Variants in CENPK observed in about 807,000 individuals in gnomAD.
CENPK encodes SoxLZ/Sox6-binding protein Solt.
In CENPK, 46 loss-of-function variants were observed where a neutral mutation model predicts 40.9. That is an observed-to-expected ratio of 1.13 (90% CI 0.89 to 1.44). The LOEUF is 1.44. CENPK is among the 40% of genes most tolerant of loss of function. The probability of loss-of-function intolerance (pLI) is 0.00; values close to 1 mark genes in which losing one functional copy is unlikely to be tolerated. For missense variants in CENPK, 288 were observed against 303.5 expected, an observed-to-expected ratio of 0.95 and a Z score of 0.38; for synonymous variants, 107 against 104.4, an observed-to-expected ratio of 1.02 and a Z score of -0.15.
At chr5:65,549,799 G>A (rs1303680953) in intron 5 of CENPK, among the ~76,000 whole-genome samples, 1 of 152,198 alleles carries the variant, frequency 6.6e-6, no homozygotes, top group African/African-American at 2.4e-5. Context: ...ATGATGGCTG[G>A]TTTGATCATC....
chr5:65,531,021 G>A (rs1745694401), intron 6 of CENPK, among the ~76,000 whole-genome samples: 1 of 152,078 alleles, frequency 6.6e-6, no homozygotes, highest in African/African-American at 2.4e-5. Flanking sequence ...GCCAAGCCTG[G>A]TGACTCATTC....
At chr5:65,495,742 AAAG>A in the CENPK span, among the ~76,000 whole-genome samples, 402 of 152,338 alleles carry the variant, frequency 2.6e-3, 3 homozygotes, top group African/African-American at 8.8e-3. Context: ...AAAATTCACA[AAAG>A]AAGAAATACA....
chr5:65,559,973 C>T (rs1425718313), intron 2 of CENPK, among the ~76,000 whole-genome samples: 3 of 150,888 alleles, frequency 2.0e-5, no homozygotes, highest in South Asian at 2.1e-4. Flanking sequence ...ATAGTATTTG[C>T]GGAGAAAAAA....
intron 6 of CENPK, among the ~76,000 whole-genome samples, chr5:65,537,494 C>T (rs908028227): frequency 5.3e-5 from 8 of 151,990 alleles, no homozygotes; most frequent in African/African-American, 9.7e-5. Context: ...TTAGTAGAGA[C>T]GGGGTTTCGC....
chr5:65,551,908 G>A (rs572667775), intron 4 of CENPK, among the ~76,000 whole-genome samples: 2 of 150,682 alleles, frequency 1.3e-5, no homozygotes, highest in Non-Finnish European at 3.0e-5. Flanking sequence ...GACACAGATA[G>A]TAAAATATCT....
rs532263854 is a variant in CENPK at position 65,551,620 on chromosome 5, A to G, written c.185T>C (p.Met62Thr). The G allele has an allele frequency of 1.2e-4, 183 of 1,569,044 alleles. 4 individuals are homozygous for G. The South Asian group carries it at 2.0e-3, about 17-fold the overall frequency. ...DSNAQLSLLI[M>T]QVKCLTAELS... ...TTCAGCGGTTAAACATTTTACTTGC[A>G]TAATTAACAATGATAGCTACAAAAG... The change falls in exon 5 of 11, where the codon ATG (methionine) becomes ACG (threonine). Residue 62 changes from methionine to threonine, a missense_variant. Coordinates refer to ENST00000396679, the MANE Select transcript of CENPK (RefSeq NM_022145.5).
In CENPK at chr5:65,551,544, A is replaced by C. The variant is rs1196392180; in HGVS notation, c.241+20T>G. On this transcript the variant is annotated intron_variant, in intron 5 of 10. Transcript: ENST00000396679. ...ATTAATAGGTTTACAAAAAATTCAA[A>C]TTTAAAATAAGAATCTTACTTTCAG... 7.2e-7 allele frequency: 1 copy of C among 1,398,428 alleles called. No individual in the cohort carries two copies. The highest frequency in any genetic ancestry group is 1.5e-5 in the African/African-American group (1 of 68,342). The allele number at this position is 1,398,428 out of a possible 1,614,324, so 86.6% of individuals were successfully genotyped here.
chr5:65,560,868 G>A (rs1751841118), intron 2 of CENPK: 1 of 152,118 alleles, frequency 6.6e-6, no homozygotes, highest in South Asian at 2.1e-4. Context: ...AGATATGTCT[G>A]CATAAGTCTA....
chr5:65,551,601 G>T lies in CENPK; in HGVS notation c.204C>A (p.Thr68=). ...SLLIMQVKCL[T]AELSQWQKKT... ...TTTTCTGCCATTGACTGAGTTCAGC[G>T]GTTAAACATTTTACTTGCATAATTA... The change falls in exon 5 of 11, where the codon ACC becomes ACA. Residue 68 remains threonine, a synonymous_variant. Coordinates refer to ENST00000396679, the MANE Select transcript of CENPK (RefSeq NM_022145.5). The T allele has an allele frequency of 6.4e-7, 1 of 1,570,844 alleles. No homozygotes were observed. Among genetic ancestry groups the T allele is most frequent in the South Asian group, 1.2e-5 (1 of 84,120 alleles).
intron 6 of CENPK, among the ~76,000 whole-genome samples, chr5:65,539,018 T>C (rs915893429): frequency 6.6e-6 from 1 of 152,242 alleles, no homozygotes; most frequent in African/African-American, 2.4e-5. Context: ...TCTAGGCACA[T>C]ACTTACCTCT....
chr5:65,546,609 A>G (rs1481056896), intron 5 of CENPK, among the ~76,000 whole-genome samples: 2 of 152,214 alleles, frequency 1.3e-5, no homozygotes, highest in African/African-American at 4.8e-5. Context: ...TTTGAATATG[A>G]CTGTATTTGG....
At chr5:65,545,544 T>A (rs889635523) in intron 5 of CENPK, among the ~76,000 whole-genome samples, 4 of 151,762 alleles carry the variant, frequency 2.6e-5, no homozygotes, top group Admixed American at 1.3e-4. Flanking sequence ...ATCAAGAAAT[T>A]CTCAGATAAA....
the CENPK span, among the ~76,000 whole-genome samples, chr5:65,512,481 G>C: frequency 2.0e-5 from 3 of 152,318 alleles, no homozygotes; most frequent in East Asian, 5.8e-4. Flanking sequence ...ACCCCAATCA[G>C]TCAGCAGCCA....
chr5:65,562,565 T>C (rs1201040167), intron 1 of CENPK, among the ~76,000 whole-genome samples: 1 of 152,202 alleles, frequency 6.6e-6, no homozygotes, highest in Non-Finnish European at 1.5e-5. Flanking sequence ...ACAAGCTGTA[T>C]TTGATTTTTT....
the CENPK span, among the ~76,000 whole-genome samples, chr5:65,503,946 G>A: frequency 1.4e-5 from 2 of 147,260 alleles, no homozygotes; most frequent in African/African-American, 5.0e-5. Context: ...GTGAGTCACC[G>A]TGCCCGGCCT....
intron 6 of CENPK, among the ~76,000 whole-genome samples, chr5:65,531,596 C>T (rs1271303859): frequency 2.0e-5 from 3 of 151,840 alleles, no homozygotes; most frequent in African/African-American, 4.8e-5. Flanking sequence ...CTCTGCCTCC[C>T]GGGTTCAAGT....
At chr5:65,512,164 T>C in the CENPK span, among the ~76,000 whole-genome samples, 3 of 152,198 alleles carry the variant, frequency 2.0e-5, no homozygotes, top group Non-Finnish European at 4.4e-5. Context: ...GAGGAGTTAA[T>C]TCCCATGGAT....
chr5:65,501,952 A>T, the CENPK span, among the ~76,000 whole-genome samples: 1 of 152,120 alleles, frequency 6.6e-6, no homozygotes, highest in Non-Finnish European at 1.5e-5. Flanking sequence ...CCTCTTTACT[A>T]CTGGGTGGGT....
chr5:65,508,605 T>C, the CENPK span, among the ~76,000 whole-genome samples: 6 of 151,784 alleles, frequency 4.0e-5, no homozygotes, highest in African/African-American at 7.3e-5. Context: ...GCCAATATGG[T>C]GAAACCCCAT....
Sources: allele counts gnomAD v4.1 joint callset (sites outside exome capture counted in the v4.1 genomes callset), GRCh38; gene constraint gnomAD v4.1.1; transcripts MANE v1.5; gene names NCBI Gene and HGNC (gene_info 2026-07-23, HGNC 2026-07-21).